The following GNA14 variants were observed in gnomAD, a reference collection of about 807,000 sequenced individuals.
GNA14 encodes G protein subunit alpha 14, also known as guanine nucleotide-binding protein subunit alpha-14.
Under a neutral mutation model 42.0 loss-of-function variants are expected in GNA14, and 50 were observed. That is an observed-to-expected ratio of 1.19 (90% CI 0.95 to 1.51). GNA14 has a LOEUF of 1.51. Ranked by LOEUF, GNA14 falls within the 40% of genes most tolerant of loss-of-function variation. The pLI, the probability that GNA14 is intolerant of heterozygous loss-of-function variation, is 0.00. For synonymous variants in GNA14, 173 were observed against 163.1 expected, an observed-to-expected ratio of 1.06 and a Z score of -0.46; for missense variants, 473 against 446.2, an observed-to-expected ratio of 1.06 and a Z score of -0.54.
In GNA14 at chr9:77,580,157, T is replaced by C. The variant is rs532587611; in HGVS notation, c.125-50904A>G. ...AGCATAACTCTCAATAGTGCCCACT[T>C]GGGTCACAAACCACACTGGGTTGTT... On this transcript the variant is annotated intron_variant, in intron 1 of 6. Transcript: ENST00000341700. 4.0e-5 allele frequency: 9 copies of C among 222,754 alleles called. No individual in the cohort carries two copies. In the South Asian group the frequency reaches 5.9e-4, roughly 15 times the overall value. The allele number at this position is 222,754 out of a possible 1,614,324, so 13.8% of individuals were successfully genotyped here.
At chr9:77,428,071 C>CTTTTTTTTTTTTTTTT (rs1182913068) in intron 5 of GNA14, among the ~76,000 whole-genome samples, 1 of 130,676 alleles carries the variant, frequency 7.7e-6, no homozygotes. Flanking sequence ...GGCATTTTTT[C>CTTTTTTTTTTTTTTTT]TTTTTTTTTT....
chr9:77,629,520 T>C (rs12553071), intron 1 of GNA14, among the ~76,000 whole-genome samples: 42,715 of 152,076 alleles, frequency 0.28, 6,903 homozygotes, highest in African/African-American at 0.44. Flanking sequence ...GAAAATGTGG[T>C]ACATATACAC....
In GNA14 at chr9:77,439,126, G is replaced by C. The variant is rs547298267; in HGVS notation, c.310-4604C>G. ...TGTCCCTCTGAATGAGAATGGCCCA[G>C]CAAGGGTCTGTTCTTTAGTCAAGAC... On this transcript the variant is annotated intron_variant, in intron 2 of 6. Transcript: ENST00000341700. Among the ~76,000 whole-genome samples the C allele has an allele frequency of 5.3e-5, 8 of 152,304 alleles. No homozygotes were observed. In the South Asian group the frequency reaches 1.7e-3, roughly 32 times the overall value.
chr9:77,490,255 C>T (rs1017183716), intron 2 of GNA14, among the ~76,000 whole-genome samples: 2 of 152,250 alleles, frequency 1.3e-5, no homozygotes, highest in Admixed American at 1.3e-4. Flanking sequence ...GCTGTGTTTA[C>T]AATCCCTGAG....
intron 2 of GNA14, among the ~76,000 whole-genome samples, chr9:77,507,962 C>A (rs1215173672): frequency 6.6e-6 from 1 of 152,194 alleles, no homozygotes; most frequent in African/African-American, 2.4e-5. Context: ...AGGTGATCCA[C>A]CCGCCTCGGC....
chr9:77,452,488 G>C (rs1287768128), intron 2 of GNA14, among the ~76,000 whole-genome samples: 1 of 149,432 alleles, frequency 6.7e-6, no homozygotes, highest in Non-Finnish European at 1.5e-5. Flanking sequence ...GATCAAATTA[G>C]TTTAGGACAA....
chr9:77,638,170 G>T (rs1320819574), intron 1 of GNA14, among the ~76,000 whole-genome samples: 1 of 152,140 alleles, frequency 6.6e-6, no homozygotes, highest in Non-Finnish European at 1.5e-5. Context: ...TGCTCACACT[G>T]TACCATCCAG....
At chr9:77,626,661 G>GCTT (rs1336736646) in intron 1 of GNA14, among the ~76,000 whole-genome samples, 2 of 152,140 alleles carry the variant, frequency 1.3e-5, no homozygotes, top group Admixed American at 1.3e-4. Flanking sequence ...TGAAATTAAA[G>GCTT]CAGAAATAAA....
At chr9:77,549,579 G>C (rs1220348394) in intron 1 of GNA14, among the ~76,000 whole-genome samples, 1 of 152,120 alleles carries the variant, frequency 6.6e-6, no homozygotes, top group Non-Finnish European at 1.5e-5. Flanking sequence ...AAATAGCTTT[G>C]TATTTTGTAT....
At chr9:77,549,140 G>A (rs928747840) in intron 1 of GNA14, among the ~76,000 whole-genome samples, 3 of 152,076 alleles carry the variant, frequency 2.0e-5, no homozygotes, top group Non-Finnish European at 4.4e-5. Context: ...TCACCATGTT[G>A]GCCAGGATGG....
chr9:77,530,845 C>G (rs1008632870), intron 1 of GNA14, among the ~76,000 whole-genome samples: 4 of 152,176 alleles, frequency 2.6e-5, no homozygotes, highest in African/African-American at 9.7e-5. Context: ...CCTCCAGAGA[C>G]AGGATAGGTA....
At chr9:77,546,725 C>A (rs558447182) in intron 1 of GNA14, among the ~76,000 whole-genome samples, 11 of 152,364 alleles carry the variant, frequency 7.2e-5, no homozygotes, top group Middle Eastern at 3.4e-3. Context: ...TAAATATCTA[C>A]ATTTAATTTC....
intron 2 of GNA14, among the ~76,000 whole-genome samples, chr9:77,466,059 A>C (rs1311042148): frequency 6.6e-6 from 1 of 152,188 alleles, no homozygotes; most frequent in East Asian, 1.9e-4. Context: ...GACTTTCAAC[A>C]GTTCGACTAT....
intron 1 of GNA14, among the ~76,000 whole-genome samples, chr9:77,544,009 T>A (rs138384623): frequency 2.8e-3 from 421 of 152,298 alleles, no homozygotes; most frequent in Middle Eastern, 6.8e-3. Flanking sequence ...CCTAAAAAAA[T>A]CAATACAAAT....
intron 2 of GNA14, among the ~76,000 whole-genome samples, chr9:77,514,061 CAACA>C (rs1425997637): frequency 6.6e-6 from 1 of 152,038 alleles, no homozygotes; most frequent in Non-Finnish European, 1.5e-5. Context: ...ATTTGCAGCT[CAACA>C]AACACATCCC....
chr9:77,559,430 C>T (rs1164251318), intron 1 of GNA14, among the ~76,000 whole-genome samples: 2 of 152,210 alleles, frequency 1.3e-5, no homozygotes, highest in East Asian at 3.9e-4. Flanking sequence ...CCCTTCTGGG[C>T]CAGAGGACAT....
In GNA14 at chr9:77,425,561, C is replaced by T; in HGVS notation, c.877+1G>A. Reference sequence around the variant, plus strand: ...ACACTGTCCACAAGATAGACACTTACCTGTGTATTCTGGGAAATAGCTAAT... The same window carrying T: ...ACACTGTCCACAAGATAGACACTTATCTGTGTATTCTGGGAAATAGCTAAT... On this transcript the variant is annotated splice_donor_variant, in intron 6 of 6. Coordinates refer to ENST00000341700, the MANE Select transcript of GNA14 (RefSeq NM_004297.4). LOFTEE classifies it high-confidence loss of function. 6.3e-7 allele frequency: 1 copy of T among 1,597,434 alleles called. No homozygotes were observed. Among genetic ancestry groups the T allele is most frequent in the Non-Finnish European group, 8.6e-7 (1 of 1,169,306 alleles).
At chr9:77,447,954 T>C (rs1379938209) in intron 2 of GNA14, among the ~76,000 whole-genome samples, 2 of 152,212 alleles carry the variant, frequency 1.3e-5, no homozygotes, top group African/African-American at 4.8e-5. Flanking sequence ...TGTCTACCAC[T>C]CACAGAGTCT....
chr9:77,501,365 G>C (rs1482081718), intron 2 of GNA14, among the ~76,000 whole-genome samples: 1 of 152,138 alleles, frequency 6.6e-6, no homozygotes, highest in Non-Finnish European at 1.5e-5. Context: ...CCAGCATTTG[G>C]TGTTGTCATT....
Sources: allele counts gnomAD v4.1 joint callset (sites outside exome capture counted in the v4.1 genomes callset), GRCh38; gene constraint gnomAD v4.1.1; transcripts MANE v1.5; gene names NCBI Gene and HGNC (gene_info 2026-07-23, HGNC 2026-07-21).